Variants in ANKRD44 observed in about 807,000 individuals in gnomAD.
The protein encoded by ANKRD44 is ankyrin repeat domain 44.
ANKRD44 carries 35 observed loss-of-function variants against 116.0 expected under a neutral mutation model. The observed-to-expected ratio is 0.30, with a 90% CI of 0.23 to 0.40. The LOEUF is 0.40. Ranked by LOEUF, ANKRD44 falls within the 10% of genes least tolerant of loss-of-function variation. The pLI is 1.00. For missense variants in ANKRD44, 1,014 were observed against 1,242.6 expected (o/e 0.82, Z 2.77); for synonymous variants, 435 against 461.8 (o/e 0.94, Z 0.74).
chr2:197,189,876 G>A (rs960362806), intron 1 of ANKRD44, among the ~76,000 whole-genome samples: 8 of 152,150 alleles, frequency 5.3e-5, no homozygotes, highest in East Asian at 1.9e-4. Flanking sequence ...TCCCAGTTGC[G>A]AGTGTACGGA....
intron 16 of ANKRD44, chr2:197,078,468 C>CT: frequency 8.5e-7 from 1 of 1,177,208 alleles, no homozygotes; most frequent in Non-Finnish European, 1.1e-6. Context: ...GACTACCATG[C>CT]TTTTGTGCTG....
chr2:196,998,766 G>C (rs1309157483), intron 24 of ANKRD44, 141 bp downstream of exon 24: 2 of 1,154,310 alleles, frequency 1.7e-6, no homozygotes, highest in African/African-American at 1.6e-5. Flanking sequence ...CGCTTGAGCA[G>C]GTAGAATCAG....
intron 27 of ANKRD44, chr2:196,992,820 A>C (rs926020989): frequency 3.9e-5 from 6 of 152,694 alleles, no homozygotes; most frequent in Non-Finnish European, 7.3e-5. Flanking sequence ...TGTAATAAGC[A>C]GTTAATTGAG....
At position 197,286,725 on chromosome 2, in the gene ANKRD44, C is replaced by T. The variant is rs79974867; in HGVS notation, c.27+23853G>A. Among the ~76,000 whole-genome samples, 39 of 151,752 alleles carry T rather than the reference C, an allele frequency of 2.6e-4. 1 individual carries two copies. In the East Asian group the frequency reaches 7.5e-3, roughly 29 times the overall value. ...ATTTTTTTTTGCTTATGAAACTGTA[C>T]GAATTGGTTTCTATTCAAACTGTCG... On this transcript the variant is annotated intron_variant, in intron 1 of 27. Coordinates refer to ENST00000282272, the MANE Select transcript of ANKRD44 (RefSeq NM_001195144.2).
chr2:197,297,271 A>C (rs2105897430), intron 1 of ANKRD44, among the ~76,000 whole-genome samples: 1 of 152,366 alleles, frequency 6.6e-6, no homozygotes, highest in South Asian at 2.1e-4. Context: ...CGAAGTATGG[A>C]AATTCCATAC....
intron 8 of ANKRD44, among the ~76,000 whole-genome samples, chr2:197,120,790 CA>C (rs1387449044): frequency 1.3e-5 from 2 of 152,174 alleles, no homozygotes; most frequent in African/African-American, 4.8e-5. Flanking sequence ...ACATTCACCT[CA>C]GTATTAGCTT....
At chr2:197,189,570 G>A (rs992053002) in intron 1 of ANKRD44, among the ~76,000 whole-genome samples, 62 of 151,864 alleles carry the variant, frequency 4.1e-4, no homozygotes, top group African/African-American at 1.5e-3. Flanking sequence ...TCAGGGTTTC[G>A]ACAAAAAAAA....
chr2:197,106,941 C>T (rs767822236), intron 9 of ANKRD44, among the ~76,000 whole-genome samples: 2 of 151,898 alleles, frequency 1.3e-5, no homozygotes, highest in African/African-American at 2.4e-5. Context: ...AATTACTCCA[C>T]AAACCTTGCC....
At chr2:197,143,693 G>A (rs564253984) in intron 3 of ANKRD44, among the ~76,000 whole-genome samples, 4 of 152,030 alleles carry the variant, frequency 2.6e-5, no homozygotes, top group East Asian at 1.9e-4. Context: ...ACAGTGGTGC[G>A]ATCTCAGCTC....
intron 10 of ANKRD44, among the ~76,000 whole-genome samples, chr2:197,093,899 T>C (rs1228596861): frequency 6.6e-6 from 1 of 152,190 alleles, no homozygotes; most frequent in Non-Finnish European, 1.5e-5. Context: ...ATGCATAAGT[T>C]ACAGGAAAGA....
intron 1 of ANKRD44, among the ~76,000 whole-genome samples, chr2:197,273,975 A>AT (rs61483878): frequency 7.3e-5 from 4 of 54,476 alleles, no homozygotes; most frequent in Non-Finnish European, 1.1e-4. Context: ...AAAAAAAAAA[A>AT]AAAAAATATA....
intron 1 of ANKRD44, among the ~76,000 whole-genome samples, chr2:197,209,106 C>T (rs964099986): frequency 8.5e-5 from 13 of 152,218 alleles, no homozygotes; most frequent in Non-Finnish European, 2.9e-5. Context: ...CTACAGTTCA[C>T]ATTCTCATGG....
intron 13 of ANKRD44, among the ~76,000 whole-genome samples, chr2:197,085,588 T>A (rs989441651): frequency 1.3e-5 from 2 of 151,998 alleles, no homozygotes; most frequent in African/African-American, 4.8e-5. Context: ...CCTCTGGTCA[T>A]CCTCACTGCT....
rs1553533869 is a variant in ANKRD44, at chr2:197,212,074, A to ACACC, written c.28-24969_28-24968insGGTG. On this transcript the variant is annotated intron_variant, in intron 1 of 27. Transcript: ENST00000282272. The surrounding 1 kb of genome is among the most constrained non-coding windows in gnomAD (Gnocchi z 4.8). ...CTCTCACACACACACACACACACAC[A>ACACC]CCCCACAGCACCACTTTGGGGGAAG... is the stretch of plus-strand genomic sequence containing the variant. Among the ~76,000 whole-genome samples the ACACC allele has an allele frequency of 2.0e-5, 3 of 147,996 alleles. No homozygotes were observed. The highest frequency in any genetic ancestry group is 2.2e-4 in the South Asian group (1 of 4,620).
intron 1 of ANKRD44, among the ~76,000 whole-genome samples, chr2:197,217,448 C>A (rs755276191): frequency 6.6e-6 from 1 of 152,088 alleles, no homozygotes; most frequent in Non-Finnish European, 1.5e-5. Flanking sequence ...CATAGCCCAC[C>A]AAAATTCAAG....
At chr2:197,185,463 A>G (rs2080632358) in intron 2 of ANKRD44, among the ~76,000 whole-genome samples, 1 of 152,226 alleles carries the variant, frequency 6.6e-6, no homozygotes, top group Non-Finnish European at 1.5e-5. Flanking sequence ...GTAGTTGACA[A>G]CTTCTGTTTC....
chr2:197,061,724 G>A (rs1287199861), intron 16 of ANKRD44, among the ~76,000 whole-genome samples: 1 of 151,836 alleles, frequency 6.6e-6, no homozygotes, highest in East Asian at 1.9e-4. Flanking sequence ...CAATATTAAT[G>A]TGGCATATTT....
intron 2 of ANKRD44, among the ~76,000 whole-genome samples, chr2:197,167,357 T>G (rs752371400): frequency 2.6e-5 from 4 of 152,206 alleles, no homozygotes; most frequent in Non-Finnish European, 5.9e-5. Context: ...AAAAACAGAT[T>G]GAAGTAGATA....
At chr2:197,039,680 CGTGTGTGTGTGTGTGTGTGTGTGTGTGT>C (rs10535447) in intron 16 of ANKRD44, among the ~76,000 whole-genome samples, 1 of 141,448 alleles carries the variant, frequency 7.1e-6, no homozygotes, top group Non-Finnish European at 1.5e-5. Context: ...TGTGTGTGTG[CGTGTGTGTGTGTGTGTGTGTGTGTGTGT>C]GTGTGTGTGT....
Sources: gnomAD v4.1 joint callset for allele counts (sites outside exome capture counted in the v4.1 genomes callset) on GRCh38, gnomAD v4.1.1 for gene constraint, Gnocchi (gnomAD v3.1) non-coding constraint, MANE v1.5 for transcripts, NCBI Gene and HGNC (gene_info 2026-07-23, HGNC 2026-07-21) for gene names.